The following FHIT variants were observed in gnomAD, a reference collection of about 807,000 sequenced individuals.
FHIT encodes bis(5'-adenosyl)-triphosphatase.
FHIT carries 19 observed loss-of-function variants against 17.9 expected under a neutral mutation model. That is an observed-to-expected ratio of 1.06 (90% confidence interval 0.74 to 1.56). The LOEUF (loss-of-function observed/expected upper bound fraction) is 1.56. Among genes scored for constraint, FHIT ranks in the 40% most tolerant of loss-of-function variants. The probability of loss-of-function intolerance (pLI) is 0.00; values close to 1 mark genes in which losing one functional copy is unlikely to be tolerated. For missense variants in FHIT, 248 were observed against 189.2 expected (o/e 1.31, Z -1.82); for synonymous variants, 81 against 69.7 (o/e 1.16, Z -0.81).
At chr3:60,364,135 G>A (rs932804123) in intron 5 of FHIT, among the ~76,000 whole-genome samples, 6 of 152,134 alleles carry the variant, frequency 3.9e-5, no homozygotes, top group African/African-American at 1.4e-4. Context: ...GTACCATCTG[G>A]TCCCTCTTGG....
chr3:60,986,658 T>G (rs1337245354), intron 3 of FHIT, among the ~76,000 whole-genome samples: 1 of 152,176 alleles, frequency 6.6e-6, no homozygotes, highest in African/African-American at 2.4e-5. Flanking sequence ...CAAACCAAAT[T>G]TGTGTAGCTG....
chr3:61,047,524 A>G (rs527690804), intron 2 of FHIT, among the ~76,000 whole-genome samples: 1 of 152,342 alleles, frequency 6.6e-6, no homozygotes, highest in African/African-American at 2.4e-5. Flanking sequence ...CATGGATAGG[A>G]AGAATCAATA....
At chr3:60,044,378 CA>C (rs1489226982) in intron 5 of FHIT, among the ~76,000 whole-genome samples, 1 of 152,176 alleles carries the variant, frequency 6.6e-6, no homozygotes, top group Non-Finnish European at 1.5e-5. Flanking sequence ...AGAGCACTCC[CA>C]AAGCATGCAG....
chr3:61,108,763 A>G lies in FHIT; in HGVS notation c.-163-66664T>C, dbSNP rs561247668. The stretch of plus-strand genomic sequence containing the variant: ...CCTCCAAGAGGGAAAGGATAGGACA[A>G]AAAGTATTTTGTGTGGGTGTGGCAG... On this transcript the variant is annotated intron_variant, in intron 2 of 9. Transcript: ENST00000492590. Among the ~76,000 whole-genome samples, 78 of 152,324 alleles carry G rather than the reference A, an allele frequency of 5.1e-4. 1 individual carries two copies. The highest frequency in any genetic ancestry group is 1.8e-3 in the African/African-American group (74 of 41,572).
At chr3:60,069,227 A>C (rs1401101233) in intron 5 of FHIT, among the ~76,000 whole-genome samples, 2 of 152,164 alleles carry the variant, frequency 1.3e-5, no homozygotes, top group African/African-American at 4.8e-5. Context: ...AAGTAGAGAA[A>C]TTTCATATTT....
intron 5 of FHIT, among the ~76,000 whole-genome samples, chr3:60,387,484 T>C (rs1373959584): frequency 2.0e-5 from 3 of 152,214 alleles, no homozygotes; most frequent in Admixed American, 1.3e-4. Flanking sequence ...TAAGTGGACA[T>C]GTACAGGTGG....
rs368017645 is a variant in FHIT at position 60,023,585 on chromosome 3, C to A, written c.104-9433G>T. Among the ~76,000 whole-genome samples, 285 of 152,236 alleles carry A rather than the reference C, an allele frequency of 1.9e-3. 1 individual carries two copies. In the Middle Eastern group the frequency reaches 0.02, roughly 11 times the overall value. On this transcript the variant is annotated intron_variant, in intron 5 of 9. Coordinates refer to ENST00000492590, the MANE Select transcript of FHIT (RefSeq NM_002012.4). ...TAGCTGGCCAAGCCAATGGAGCAAC[C>A]AGACAACACAGTTCAGATGCCATCT...
chr3:61,179,539 G>A (rs1172298159), intron 2 of FHIT, among the ~76,000 whole-genome samples: 1 of 151,470 alleles, frequency 6.6e-6, no homozygotes, highest in African/African-American at 2.4e-5. Flanking sequence ...ATGAGACTCT[G>A]TCTCTTATAA....
rs571209652 is a variant in FHIT at position 60,501,672 on chromosome 3, A to G, written c.103+35188T>C. ...GAATCTCCATTTTAACAAACACCCT[A>G]GGTGATGCTCGGTCCTTTAGAAATC... On this transcript the variant is annotated intron_variant, in intron 5 of 9. Transcript: ENST00000492590. Among the ~76,000 whole-genome samples the G allele has an allele frequency of 3.9e-5, 6 of 152,332 alleles. No homozygotes were observed. The South Asian group carries it at 1.0e-3, about 26-fold the overall frequency.
At chr3:60,824,964 C>T (rs1553740520) in intron 3 of FHIT, among the ~76,000 whole-genome samples, 1 of 152,184 alleles carries the variant, frequency 6.6e-6, no homozygotes, top group African/African-American at 2.4e-5. Context: ...AATACTCTCA[C>T]TAAACATGAG....
chr3:59,793,799 T>C lies in FHIT; in HGVS notation c.349-41478A>G, dbSNP rs768694496. Among the ~76,000 whole-genome samples the C allele has an allele frequency of 6.6e-5, 10 of 152,294 alleles. No individual in the cohort carries two copies. The East Asian group carries it at 9.7e-4, about 15-fold the overall frequency. ...GAAATCATTCTGTCTTTATTTTTCATTGATGGGAGTTTGGCTTTGGAGGGA... is the reference window on the plus strand; with the variant it reads ...GAAATCATTCTGTCTTTATTTTTCACTGATGGGAGTTTGGCTTTGGAGGGA... On this transcript the variant is annotated intron_variant, in intron 8 of 9. Transcript: ENST00000492590.
chr3:59,839,492 A>G (rs1701455420), intron 8 of FHIT, among the ~76,000 whole-genome samples: 1 of 152,106 alleles, frequency 6.6e-6, no homozygotes, highest in Non-Finnish European at 1.5e-5. Flanking sequence ...TATTTTCCCT[A>G]GTTAAATATG....
chr3:60,053,410 C>T (rs1036769602), intron 5 of FHIT, among the ~76,000 whole-genome samples: 5 of 149,166 alleles, frequency 3.4e-5, no homozygotes, highest in Admixed American at 2.0e-4. Context: ...AGATACTCAA[C>T]AAATTTTTAT....
At chr3:61,054,269 C>G (rs1157368499) in intron 2 of FHIT, among the ~76,000 whole-genome samples, 1 of 152,160 alleles carries the variant, frequency 6.6e-6, no homozygotes. Flanking sequence ...AATTCCCCAG[C>G]TCTGGGCTGA....
intron 5 of FHIT, among the ~76,000 whole-genome samples, chr3:60,385,919 C>T (rs1320974988): frequency 6.6e-6 from 1 of 152,144 alleles, no homozygotes; most frequent in Non-Finnish European, 1.5e-5. Context: ...ATTAACCCTA[C>T]CCTGGGGAAT....
chr3:60,961,835 T>C (rs907275386), intron 3 of FHIT, among the ~76,000 whole-genome samples: 3 of 152,198 alleles, frequency 2.0e-5, no homozygotes, highest in Non-Finnish European at 4.4e-5. Flanking sequence ...ACTGTAGCCT[T>C]GTAGTATAGT....
chr3:60,159,046 C>T (rs2107357584), intron 5 of FHIT, among the ~76,000 whole-genome samples: 1 of 150,622 alleles, frequency 6.6e-6, no homozygotes, highest in South Asian at 2.1e-4. Flanking sequence ...TTCATTATTA[C>T]CCCCCAAGGA....
At chr3:60,639,107 AGCTCTATAGTTAAAGCAACTTTGTGTCC>A (rs1489048675) in intron 4 of FHIT, among the ~76,000 whole-genome samples, 1 of 149,162 alleles carries the variant, frequency 6.7e-6, no homozygotes, top group Non-Finnish European at 1.5e-5. Flanking sequence ...CACTGAGGTG[AGCTCTATAGTTAAAGCAACTTTGTGTCC>A]TAAGGGCATT....
intron 3 of FHIT, among the ~76,000 whole-genome samples, chr3:60,889,527 A>G (rs1432473668): frequency 2.0e-5 from 3 of 152,246 alleles, no homozygotes; most frequent in African/African-American, 7.2e-5. Flanking sequence ...TATATGCCAG[A>G]CCAACTGCTC....
Sources: allele counts gnomAD v4.1 joint callset (sites outside exome capture counted in the v4.1 genomes callset), GRCh38; gene constraint gnomAD v4.1.1; transcripts MANE v1.5; gene names NCBI Gene and HGNC (gene_info 2026-07-23, HGNC 2026-07-21).